Variants in GFM1 observed in about 807,000 individuals in gnomAD.
GFM1 encodes elongation factor G, mitochondrial.
GFM1 carries 62 observed loss-of-function variants against 96.2 expected under a neutral mutation model. The ratio of observed to expected loss-of-function variants is 0.64; its 90% CI spans 0.53 to 0.80. The LOEUF (loss-of-function observed/expected upper bound fraction) is 0.80, where lower values mean the gene tolerates loss of function less well. Ranked by LOEUF, GFM1 falls within the 30% of genes least tolerant of loss-of-function variation. The pLI is 0.00. For missense variants in GFM1, 852 were observed against 916.6 expected (o/e 0.93, Z 0.91); for synonymous variants, 282 against 312.9 (o/e 0.90, Z 1.04).
intron 4 of GFM1, among the ~76,000 whole-genome samples, chr3:158,648,701 AGAG>A (rs965283176): frequency 3.6e-5 from 5 of 140,200 alleles, no homozygotes; most frequent in African/African-American, 1.3e-4. Flanking sequence ...AAAAAAAAAA[AGAG>A]GTGGGCTCAG....
rs1017094775 is a variant in GFM1, at chr3:158,689,748, A to C, written c.1910-415A>C. Among the ~76,000 whole-genome samples, 84 of 88,834 alleles carry C rather than the reference A, an allele frequency of 9.5e-4. 1 individual carries two copies. The highest frequency in any genetic ancestry group is 3.9e-3 in the African/African-American group (81 of 20,772). 58.3% of individuals were successfully genotyped at this position (88,834 alleles called of 152,430 possible). A position where few individuals can be genotyped will look rare whatever the true frequency, so the allele number is the denominator to read the frequency against. ...CCCATTGTAATCTAGCTTGGGTGAC[A>C]AAAAAAAAAAAAAAAGAAAGAATGG... On this transcript the variant is annotated intron_variant, in intron 15 of 17. Coordinates refer to ENST00000486715, the MANE Select transcript of GFM1 (RefSeq NM_024996.7).
At chr3:158,678,575 G>C (rs954491982) in intron 13 of GFM1, among the ~76,000 whole-genome samples, 3 of 152,230 alleles carry the variant, frequency 2.0e-5, no homozygotes, top group African/African-American at 4.8e-5. Context: ...AGATGTGACT[G>C]AAGTCCTACA....
chr3:158,645,069 C>T (rs1323436819), intron 1 of GFM1, among the ~76,000 whole-genome samples: 7 of 139,944 alleles, frequency 5.0e-5, no homozygotes, highest in East Asian at 2.2e-4. Context: ...TATATTGTAT[C>T]TTCATTCCAT....
chr3:158,691,456 G>A lies in GFM1; in HGVS notation c.2245G>A (p.Ala749Thr), dbSNP rs1001726660. The stretch of plus-strand genomic sequence containing the variant: ...TCAACTTCCTGTTAAAAAAGGAAAA[G>A]CCAAGAACTAACTTTGCTTACTGTG... ...TGQLPVKKGKAKN is the reference protein window; with the variant it reads ...TGQLPVKKGKTKN Residue 749 changes from alanine (A) to threonine (T), a missense_variant, in exon 18 of 18, where the codon GCC (alanine) becomes ACC (threonine). Coordinates refer to ENST00000486715, the MANE Select transcript of GFM1 (RefSeq NM_024996.7). 6.2e-7 allele frequency: 1 copy of A among 1,613,544 alleles called. No individual in the cohort carries two copies. The highest frequency in any genetic ancestry group is 1.3e-5 in the African/African-American group (1 of 74,870).
In GFM1 at chr3:158,691,966, A is replaced by G. The variant is rs1370186544; in HGVS notation, c.*499A>G. ...ACTGTCTATTATCTGTTTAAGTCTC[A>G]TAACTCTATTTTTAGTTTGCTGAAG... On this transcript the variant is annotated 3_prime_UTR_variant, in exon 18 of 18. Coordinates refer to ENST00000486715, the MANE Select transcript of GFM1 (RefSeq NM_024996.7). 1 of 159,740 alleles carries G rather than the reference A, an allele frequency of 6.3e-6. No homozygotes were observed. The highest frequency in any genetic ancestry group is 1.4e-5 in the Non-Finnish European group (1 of 72,996). 9.9% of individuals were successfully genotyped at this position (159,740 alleles called of 1,614,324 possible). A position where few individuals can be genotyped will look rare whatever the true frequency, so the allele number is the denominator to read the frequency against.
At position 158,677,244 on chromosome 3, in the gene GFM1, TTCTC is replaced by T. The variant is rs574820554; in HGVS notation, c.1602-4741_1602-4738del. Among the ~76,000 whole-genome samples, 417 of 151,990 alleles carry T rather than the reference TTCTC, an allele frequency of 2.7e-3. 2 individuals carry two copies. Among genetic ancestry groups the T allele is most frequent in the Admixed American group, 4.6e-3 (71 of 15,270 alleles). Reference sequence around the variant, plus strand: ...TCTACCTACCAGTTGTGCTTGCACATTCTCTCTCTCTCTGTCAAAGCTTAATCCA... The same window carrying T: ...TCTACCTACCAGTTGTGCTTGCACATTCTCTCTCTGTCAAAGCTTAATCCA... On this transcript the variant is annotated intron_variant, in intron 13 of 17. Transcript: ENST00000486715.
intron 9 of GFM1, chr3:158,660,563 A>T: frequency 2.8e-6 from 1 of 352,616 alleles, no homozygotes; most frequent in Non-Finnish European, 5.4e-6. Flanking sequence ...ATGCCTTTTA[A>T]TTCCATAGAA....
chr3:158,654,422 T>G, intron 7 of GFM1, 125 bp from the exon 8 acceptor site: 1 of 639,040 alleles, frequency 1.6e-6, no homozygotes, highest in Non-Finnish European at 2.7e-6. Flanking sequence ...ATTTTACTTA[T>G]GTGTGACAGC....
intron 11 of GFM1, among the ~76,000 whole-genome samples, chr3:158,663,296 C>T (rs572829801): frequency 6.6e-6 from 1 of 152,298 alleles, no homozygotes; most frequent in Non-Finnish European, 1.5e-5. Context: ...TTAGTCTGAT[C>T]TCAAACCATA....
chr3:158,694,415 C>T lies in GFM1; in HGVS notation c.*2948C>T, dbSNP rs1420411747. Reference sequence around the variant, plus strand: ...TGGACACACAGAGGGGAACAACACACACTGGGGCCTATTGGAGGATGGAGG... The same window carrying T: ...TGGACACACAGAGGGGAACAACACATACTGGGGCCTATTGGAGGATGGAGG... On this transcript the variant is annotated 3_prime_UTR_variant, in exon 18 of 18. Transcript: ENST00000486715. Among the ~76,000 whole-genome samples the T allele has an allele frequency of 6.6e-6, 1 of 152,134 alleles. No individual in the cohort carries two copies. Among genetic ancestry groups the T allele is most frequent in the Non-Finnish European group, 1.5e-5 (1 of 68,018 alleles).
intron 8 of GFM1, among the ~76,000 whole-genome samples, chr3:158,655,132 A>T (rs1722636779): frequency 6.6e-6 from 1 of 152,172 alleles, no homozygotes; most frequent in Non-Finnish European, 1.5e-5. Context: ...AGCTCACCTT[A>T]TAAAACCAAA....
rs534492934 is a variant in GFM1, at chr3:158,687,482, A to G, written c.1910-2681A>G. Among the ~76,000 whole-genome samples, 5 of 151,728 alleles carry G rather than the reference A, an allele frequency of 3.3e-5. No individual in the cohort carries two copies. In the South Asian group the frequency reaches 1.0e-3, roughly 32 times the overall value. ...ATATACAATTATTATTAGTATTATT[A>G]TTTGAGATGGAGTCTCACTCTGTTG... On this transcript the variant is annotated intron_variant, in intron 15 of 17. Coordinates refer to ENST00000486715, the MANE Select transcript of GFM1 (RefSeq NM_024996.7).
intron 13 of GFM1, among the ~76,000 whole-genome samples, chr3:158,679,569 G>T (rs1366987029): frequency 6.6e-6 from 1 of 152,126 alleles, no homozygotes; most frequent in Non-Finnish European, 1.5e-5. Flanking sequence ...AGCAACTAAA[G>T]GATGAAATGG....
At chr3:158,676,632 G>A (rs572986765) in intron 13 of GFM1, among the ~76,000 whole-genome samples, 23 of 150,848 alleles carry the variant, frequency 1.5e-4, no homozygotes, top group Non-Finnish European at 3.1e-4. Flanking sequence ...CAGATAGTAT[G>A]TTTTTTACAA....
In GFM1 at chr3:158,665,054, G is replaced by T. The variant is rs147114307; in HGVS notation, c.1381-283G>T. 1.8e-4 allele frequency among the ~76,000 whole-genome samples: 27 copies of T among 152,284 alleles called. No homozygotes were observed. In the East Asian group the frequency reaches 5.0e-3, roughly 28 times the overall value. ...TGGGCAATTTTCACAAAAGGACAGT[G>T]TGTCAATGTAAGAGGACAGGGCATA... is the stretch of plus-strand genomic sequence containing the variant. On this transcript the variant is annotated intron_variant, in intron 11 of 17. Transcript: ENST00000486715.
At chr3:158,665,592 GTTTGT>G in intron 12 of GFM1, 118 bp downstream of exon 12, 2 of 854,442 alleles carry the variant, frequency 2.3e-6, no homozygotes, top group Non-Finnish European at 3.9e-6. Context: ...CGTCACTCTG[GTTTGT>G]ATCCAGATGT....
Position 158,644,611 on chromosome 3 carries a change from T to C in GFM1, c.-24T>C. On this transcript the variant is annotated 5_prime_UTR_variant, in exon 1 of 18. Transcript: ENST00000486715. ...CTGAACCCACCCGGCGCCACGGGAC[T>C]TTGACGCGTGCTCTGCGCTTGCCAT... 2.6e-6 allele frequency: 4 copies of C among 1,557,414 alleles called. No homozygotes were observed. The highest frequency in any genetic ancestry group is 3.5e-6 in the Non-Finnish European group (4 of 1,150,780).
intron 13 of GFM1, chr3:158,666,638 GT>G (rs1009349390): frequency 1.9e-6 from 3 of 1,609,146 alleles, no homozygotes; most frequent in African/African-American, 1.3e-5. Flanking sequence ...CAGTGTTAGG[GT>G]TTTTGTTTAT....
chr3:158,653,796 C>T lies in GFM1; in HGVS notation c.998+329C>T, dbSNP rs1023124017. Among the ~76,000 whole-genome samples the T allele has an allele frequency of 1.1e-4, 16 of 151,874 alleles. No homozygotes were observed. In the South Asian group the frequency reaches 1.2e-3, roughly 12 times the overall value. ...TTTTAAGAAACAAACTTCTGCCAGG[C>T]GCAGTGGCTCACGCTTGTAATTCCA... is the stretch of plus-strand genomic sequence containing the variant. On this transcript the variant is annotated intron_variant, in intron 7 of 17. Coordinates refer to ENST00000486715, the MANE Select transcript of GFM1 (RefSeq NM_024996.7).
Sources: allele counts gnomAD v4.1 joint callset (sites outside exome capture counted in the v4.1 genomes callset), GRCh38; gene constraint gnomAD v4.1.1; transcripts MANE v1.5; gene names NCBI Gene and HGNC (gene_info 2026-07-23, HGNC 2026-07-21).